The following ANGPT1 variants were observed in gnomAD, a reference collection of about 807,000 sequenced individuals.
ANGPT1 encodes the protein angiopoietin 1.
A neutral mutation model predicts 62.2 loss-of-function variants in ANGPT1; 17 were observed. That is an observed-to-expected ratio of 0.27 (90% CI 0.19 to 0.41). The LOEUF (loss-of-function observed/expected upper bound fraction) is 0.41, where lower values mean the gene tolerates loss of function less well. Among genes scored for constraint, ANGPT1 ranks in the 10% least tolerant of loss-of-function variants. The pLI is 1.00. For missense variants in ANGPT1, 478 were observed against 594.9 expected (o/e 0.80, Z 2.04); for synonymous variants, 199 against 198.9 (o/e 1.00, Z 0.00).
intron 8 of ANGPT1, among the ~76,000 whole-genome samples, chr8:107,255,534 C>A (rs1351623150): frequency 6.6e-6 from 1 of 151,810 alleles, no homozygotes; most frequent in East Asian, 1.9e-4. Context: ...ACCAAGAGAT[C>A]CTACACAATA....
chr8:107,439,361 A>C (rs569841913), intron 1 of ANGPT1, among the ~76,000 whole-genome samples: 2 of 152,336 alleles, frequency 1.3e-5, no homozygotes, highest in Admixed American at 6.5e-5. Flanking sequence ...CTAGAAAGCC[A>C]AAATGAGAAA....
At chr8:107,311,890 C>T (rs1814874609) in intron 4 of ANGPT1, among the ~76,000 whole-genome samples, 1 of 151,952 alleles carries the variant, frequency 6.6e-6, no homozygotes, top group African/African-American at 2.4e-5. Context: ...TGGTGAAACC[C>T]CGTCTCTACT....
At chr8:107,396,606 A>G (rs1345403883) in intron 1 of ANGPT1, among the ~76,000 whole-genome samples, 1 of 137,558 alleles carries the variant, frequency 7.3e-6, no homozygotes, top group East Asian at 2.1e-4. Context: ...CTGCAGCCTC[A>G]AACTCTTGGA....
At chr8:107,490,984 AG>A (rs1328100559) in intron 1 of ANGPT1, among the ~76,000 whole-genome samples, 1 of 152,214 alleles carries the variant, frequency 6.6e-6, no homozygotes, top group African/African-American at 2.4e-5. Flanking sequence ...GTAGTTAAAA[AG>A]GTAATATGTA....
At chr8:107,480,774 A>G (rs1209553747) in intron 1 of ANGPT1, among the ~76,000 whole-genome samples, 2 of 152,206 alleles carry the variant, frequency 1.3e-5, no homozygotes, top group African/African-American at 4.8e-5. Flanking sequence ...TGGAAATTTT[A>G]ATTTAAACAA....
In ANGPT1 at chr8:107,334,805, G is replaced by A. The variant is rs540702487; in HGVS notation, c.575+1345C>T. Among the ~76,000 whole-genome samples, 4 of 152,238 alleles carry A rather than the reference G, an allele frequency of 2.6e-5. No homozygotes were observed. The South Asian group carries it at 8.3e-4, about 32-fold the overall frequency. On this transcript the variant is annotated intron_variant, in intron 3 of 8. Coordinates refer to ENST00000517746, the MANE Select transcript of ANGPT1 (RefSeq NM_001146.5). ...GTCTGGTTACTGTGAAATTGCAGGA[G>A]AATAAATGGTATATTTCAACAGGAT...
rs1172780212 is a variant in ANGPT1 at position 107,284,790 on chromosome 8, G to A, written c.1097C>T (p.Thr366Ile). ...TCTTAGCATGTACTGCCTCTGACTGGTAATGGCAAAAATAAACTCATTCCC... is the reference window on the plus strand; with the variant it reads ...TCTTAGCATGTACTGCCTCTGACTGATAATGGCAAAAATAAACTCATTCCC... ...WLGNEFIFAITSQRQYMLRIE... is the reference protein window; with the variant it reads ...WLGNEFIFAIISQRQYMLRIE... Residue 366 changes from threonine to isoleucine, a missense_variant, in exon 7 of 9, where the codon ACC becomes ATC. Transcript: ENST00000517746. 1 of 1,610,554 alleles carries A rather than the reference G, an allele frequency of 6.2e-7. No individual in the cohort carries two copies. The highest frequency in any genetic ancestry group is 1.7e-5 in the Admixed American group (1 of 59,904).
At chr8:107,461,073 T>C (rs1485897344) in intron 1 of ANGPT1, among the ~76,000 whole-genome samples, 2 of 152,188 alleles carry the variant, frequency 1.3e-5, no homozygotes, top group Non-Finnish European at 2.9e-5. Context: ...AAGATAATTT[T>C]ATCTAAATAT....
intron 5 of ANGPT1, chr8:107,295,379 C>T (rs987970466): frequency 1.4e-5 from 2 of 141,970 alleles, no homozygotes; most frequent in Non-Finnish European, 3.1e-5. Flanking sequence ...AACATAACCT[C>T]GAGCTACACT....
At chr8:107,263,245 T>C (rs939033177) in intron 8 of ANGPT1, among the ~76,000 whole-genome samples, 1 of 149,894 alleles carries the variant, frequency 6.7e-6, no homozygotes, top group African/African-American at 2.5e-5. Flanking sequence ...TCCCAACTAC[T>C]CGGGAGGCTG....
intron 1 of ANGPT1, among the ~76,000 whole-genome samples, chr8:107,421,528 C>G (rs1045937354): frequency 4.6e-5 from 7 of 152,168 alleles, no homozygotes; most frequent in Admixed American, 1.3e-4. Context: ...ACTTCGGTGT[C>G]TCTATCTATC....
intron 3 of ANGPT1, 34 bp from the exon 4 acceptor site, chr8:107,322,162 A>G: frequency 6.7e-7 from 1 of 1,492,242 alleles, no homozygotes; most frequent in Non-Finnish European, 9.1e-7. Flanking sequence ...TTAGATTTGA[A>G]AAAATGTTAT....
At chr8:107,469,441 G>A (rs1297504890) in intron 1 of ANGPT1, among the ~76,000 whole-genome samples, 3 of 151,920 alleles carry the variant, frequency 2.0e-5, no homozygotes, top group Non-Finnish European at 4.4e-5. Flanking sequence ...GGGTACACAT[G>A]ATACCACTCA....
At chr8:107,326,016 T>C (rs1434371616) in intron 3 of ANGPT1, among the ~76,000 whole-genome samples, 1 of 152,168 alleles carries the variant, frequency 6.6e-6, no homozygotes, top group East Asian at 1.9e-4. Flanking sequence ...ACATAATATG[T>C]ATAATATATA....
chr8:107,396,663 G>T (rs1213211354), intron 1 of ANGPT1, among the ~76,000 whole-genome samples: 1 of 151,592 alleles, frequency 6.6e-6, no homozygotes, highest in African/African-American at 2.4e-5. Flanking sequence ...TGGGTCTACA[G>T]GCCAGTGTCA....
intron 6 of ANGPT1, among the ~76,000 whole-genome samples, chr8:107,286,206 C>A (rs1193494069): frequency 3.3e-5 from 5 of 152,000 alleles, no homozygotes; most frequent in Admixed American, 3.3e-4. Context: ...GTGTTTGGTA[C>A]CAAACCCATT....
At chr8:107,345,922 GA>G (rs1477260716) in intron 2 of ANGPT1, among the ~76,000 whole-genome samples, 1 of 152,186 alleles carries the variant, frequency 6.6e-6, no homozygotes, top group Non-Finnish European at 1.5e-5. Flanking sequence ...AAGGGAGATA[GA>G]AAAGAAATGA....
intron 4 of ANGPT1, among the ~76,000 whole-genome samples, chr8:107,310,309 G>T (rs1165157365): frequency 6.6e-6 from 1 of 152,138 alleles, no homozygotes; most frequent in Admixed American, 6.5e-5. Context: ...TTGAAGCTCA[G>T]AAATGCTACT....
In ANGPT1 at chr8:107,251,790, T is replaced by C. The variant is rs994052104; in HGVS notation, c.*65A>G. 18 of 1,587,414 alleles carry C rather than the reference T, an allele frequency of 1.1e-5. No individual in the cohort carries two copies. The highest frequency in any genetic ancestry group is 1.7e-4 in the Middle Eastern group (1 of 5,964). On this transcript the variant is annotated 3_prime_UTR_variant, in exon 9 of 9. Transcript: ENST00000517746. ...GTTTGCTTCTGAAGTTTTCAAACAG[T>C]TTCTCACCTGGCAGCTTCTCCGGAT... is the stretch of plus-strand genomic sequence containing the variant.
Sources: allele counts gnomAD v4.1 joint callset (sites outside exome capture counted in the v4.1 genomes callset), GRCh38; gene constraint gnomAD v4.1.1; transcripts MANE v1.5; gene names NCBI Gene and HGNC (gene_info 2026-07-23, HGNC 2026-07-21).